Variants in ZMIZ2 observed in about 807,000 individuals in gnomAD.
The protein encoded by ZMIZ2 is zinc finger MIZ domain-containing protein 2.
In ZMIZ2, 26 loss-of-function variants were observed where a neutral mutation model predicts 93.9. That is an observed-to-expected ratio of 0.28 (90% confidence interval 0.20 to 0.38). ZMIZ2 has a LOEUF of 0.38. ZMIZ2 is among the 10% of genes least tolerant of loss of function. The pLI is 1.00. For missense variants in ZMIZ2, 1,023 were observed against 1,235.0 expected (o/e 0.83, Z 2.57); for synonymous variants, 485 against 516.4 (o/e 0.94, Z 0.82).
chr7:44,752,118 C>A (rs550590628), intron 1 of ZMIZ2, among the ~76,000 whole-genome samples: 1 of 151,936 alleles, frequency 6.6e-6, no homozygotes, highest in Non-Finnish European at 1.5e-5. Context: ...AAAGAGGTTA[C>A]AGCCTGTTGC....
Position 44,761,414 on chromosome 7 carries a change from C to A in ZMIZ2, c.1241-35C>A. On this transcript the variant is annotated intron_variant, in intron 9 of 18. Transcript: ENST00000309315. This position sits in a 1 kb window ranked among gnomAD's most constrained non-coding sequence, Gnocchi z 5.8. ...GTGACACAAGACGCTCTGGCTGGGG[C>A]AACCCAGCTCACAGCCAGTGGCCTC... The A allele has an allele frequency of 6.2e-7, 1 of 1,604,886 alleles. No homozygotes were observed. Among genetic ancestry groups the A allele is most frequent in the Non-Finnish European group, 8.5e-7 (1 of 1,177,802 alleles).
In ZMIZ2 at chr7:44,756,940, C is replaced by T. The variant is rs1250017906; in HGVS notation, c.166-7C>T. On this transcript the variant is annotated splice_polypyrimidine_tract_variant and splice_region_variant and intron_variant, in intron 3 of 18. Transcript: ENST00000309315. ...GGTTCCCTTTGGTGATTCCTGCTTC[C>T]TCATAGGTTTTGGGGAACCCCATGG... 1 of 1,609,012 alleles carries T rather than the reference C, an allele frequency of 6.2e-7. No homozygotes were observed. The highest frequency in any genetic ancestry group is 8.5e-7 in the Non-Finnish European group (1 of 1,178,666).
intron 7 of ZMIZ2, 89 bp from the exon 8 acceptor site, chr7:44,760,062 C>A: frequency 7.5e-7 from 1 of 1,325,256 alleles, no homozygotes; most frequent in Non-Finnish European, 1.1e-6. Context: ...TAAAGAAGAC[C>A]GTGTATGGTG....
chr7:44,756,401 C>T, intron 2 of ZMIZ2, 24 bp from the exon 3 acceptor site: 1 of 1,613,874 alleles, frequency 6.2e-7, no homozygotes, highest in Admixed American at 1.7e-5. Flanking sequence ...CTGACCCAGG[C>T]CTCAGCAGCC....
chr7:44,754,055 C>T (rs1790380823), intron 1 of ZMIZ2, among the ~76,000 whole-genome samples: 1 of 152,222 alleles, frequency 6.6e-6, no homozygotes, highest in Non-Finnish European at 1.5e-5. Context: ...GTTGGTACCA[C>T]ACAGTTTTGA....
Position 44,762,956 on chromosome 7 carries a change from C to G in ZMIZ2, c.1672C>G (p.Leu558Val). 1 of 1,613,614 alleles carries G rather than the reference C, an allele frequency of 6.2e-7. No individual in the cohort carries two copies. The highest frequency in any genetic ancestry group is 8.5e-7 in the Non-Finnish European group (1 of 1,179,698). The change falls in exon 12 of 19, where the codon CTC becomes GTC. Residue 558 changes from leucine to valine, a missense_variant. By Grantham distance (32) the Leu-to-Val change is conservative (BLOSUM62 1). Around this residue, in one of 3 missense-constraint regions of ZMIZ2, gnomAD observed 656 missense variants for 777.1 expected, o/e 0.84. Coordinates refer to ENST00000309315, the MANE Select transcript of ZMIZ2 (RefSeq NM_031449.4). Reference sequence around the variant, plus strand: ...GCTGCAGGGCCTCCTCAAAAAGCGCCTCCTGCCTGCTGAGCACTGCATCAC... The same window carrying G: ...GCTGCAGGGCCTCCTCAAAAAGCGCGTCCTGCCTGCTGAGCACTGCATCAC... ...SVLQGLLKKR[L>V]LPAEHCITKI...
At position 44,761,475 on chromosome 7, in the gene ZMIZ2, C is replaced by T. The variant is rs1791172623; in HGVS notation, c.1267C>T (p.Leu423=). The T allele has an allele frequency of 4.3e-6, 7 of 1,613,804 alleles. No homozygotes were observed. The highest frequency in any genetic ancestry group is 5.9e-6 in the Non-Finnish European group (7 of 1,180,030). The change falls in exon 10 of 19, where the codon CTG becomes TTG. Residue 423 remains leucine (L), a synonymous_variant. Coordinates refer to ENST00000309315, the MANE Select transcript of ZMIZ2 (RefSeq NM_031449.4). This position sits in a 1 kb window ranked among gnomAD's most constrained non-coding sequence, Gnocchi z 5.8. ...AAGCGGGCCTTGTGACGAGTTGCGG[C>T]TGACCTTCCCTGTGCGCGATGGGGT... ...SGSGPCDELR[L]TFPVRDGVVL...
intron 5 of ZMIZ2, 101 bp downstream of exon 5, chr7:44,757,662 G>A (rs1050334866): frequency 2.0e-6 from 3 of 1,467,132 alleles, no homozygotes; most frequent in Admixed American, 2.5e-5. Context: ...CATGGAATAT[G>A]CCAGGGCTCA....
In ZMIZ2 at chr7:44,767,523, C is replaced by G; in HGVS notation, c.2663C>G (p.Pro888Arg). 1.2e-6 allele frequency: 2 copies of G among 1,614,082 alleles called. No homozygotes were observed. The highest frequency in any genetic ancestry group is 1.7e-6 in the Non-Finnish European group (2 of 1,179,968). ...AGTTCACTTTGTCCTCAGCTGCTCCCGGAACTGACCAACCCTGATGAGCTA... is the reference window on the plus strand; with the variant it reads ...AGTTCACTTTGTCCTCAGCTGCTCCGGGAACTGACCAACCCTGATGAGCTA... ...EAPEPALDLL[P>R]ELTNPDELLS... Residue 888 changes from proline (P) to arginine (R), a missense_variant, in exon 19 of 19, where the codon CCG becomes CGG. This residue lies in a region of ZMIZ2 where 319 missense variants were observed against 358.8 expected (regional missense o/e 0.89). Coordinates refer to ENST00000309315, the MANE Select transcript of ZMIZ2 (RefSeq NM_031449.4).
rs542053284 is a variant in ZMIZ2, at chr7:44,757,768, T to C, written c.553-80T>C. On this transcript the variant is annotated intron_variant, in intron 5 of 18. Transcript: ENST00000309315. ...TGAAAGGGTATGGTGCCCACATGGG[T>C]GGGTGGGCGGGTTTTATGCCTATCT... is the stretch of plus-strand genomic sequence containing the variant. 1.1e-4 allele frequency: 73 copies of C among 686,918 alleles called. No homozygotes were observed. In the South Asian group the frequency reaches 2.2e-3, roughly 21 times the overall value. 42.6% of individuals were successfully genotyped at this position (686,918 alleles called of 1,614,324 possible). A position where few individuals can be genotyped will look rare whatever the true frequency, so the allele number is the denominator to read the frequency against.
Position 44,767,852 on chromosome 7 carries a change from C to A in ZMIZ2, c.*229C>A. 1 of 581,362 alleles carries A rather than the reference C, an allele frequency of 1.7e-6. No individual in the cohort carries two copies. The highest frequency in any genetic ancestry group is 2.9e-5 in the East Asian group (1 of 34,390). 36.0% of individuals were successfully genotyped at this position (581,362 alleles called of 1,614,324 possible). On this transcript the variant is annotated 3_prime_UTR_variant, in exon 19 of 19. Transcript: ENST00000309315. ...GCCCTTGCCACCTCCCTCTGCCAAG[C>A]CTGCTGCTGCAGAACGGTTTTTGCT...
Position 44,767,681 on chromosome 7 carries a change from C to G in ZMIZ2, c.*58C>G, listed in dbSNP as rs1791859567. The G allele has an allele frequency of 6.8e-7, 1 of 1,470,640 alleles. No homozygotes were observed. Among genetic ancestry groups the G allele is most frequent in the Non-Finnish European group, 9.5e-7 (1 of 1,052,782 alleles). 91.1% of individuals were successfully genotyped at this position (1,470,640 alleles called of 1,614,324 possible). On this transcript the variant is annotated 3_prime_UTR_variant, in exon 19 of 19. Transcript: ENST00000309315. The stretch of plus-strand genomic sequence containing the variant: ...GCTCACAGATGTCACCACAGCCCTG[C>G]CCTTCATGCCCAGCCCCATGGGACA...
rs202212310 is a variant in ZMIZ2, at chr7:44,751,713, T to G, written c.-63+2722T>G. Among the ~76,000 whole-genome samples the G allele has an allele frequency of 1.1e-4, 16 of 152,360 alleles. No individual in the cohort carries two copies. The East Asian group carries it at 2.7e-3, about 26-fold the overall frequency. ...GTGCTCACCTCTAATCCCAGCACTT[T>G]GGGAGGCCGAGGTGGGTGGATCACT... On this transcript the variant is annotated intron_variant, in intron 1 of 18. Coordinates refer to ENST00000309315, the MANE Select transcript of ZMIZ2 (RefSeq NM_031449.4).
rs181502182 is a variant in ZMIZ2 at position 44,752,601 on chromosome 7, G to A, written c.-62-3587G>A. On this transcript the variant is annotated intron_variant, in intron 1 of 18. Transcript: ENST00000309315. ...TGGTGTGTCAAGAATGCTAAATAAA[G>A]GAATCGTACACCGTGTAGCCTCTTG... Among the ~76,000 whole-genome samples the A allele has an allele frequency of 1.8e-4, 28 of 152,300 alleles. 1 individual carries two copies. Among genetic ancestry groups the A allele is most frequent in the South Asian group, 1.2e-3 (6 of 4,828 alleles).
chr7:44,766,814 G>A lies in ZMIZ2; in HGVS notation c.2655+151G>A. 2 of 1,303,802 alleles carry A rather than the reference G, an allele frequency of 1.5e-6. No homozygotes were observed. The highest frequency in any genetic ancestry group is 2.1e-6 in the Non-Finnish European group (2 of 966,482). The allele number at this position is 1,303,802 out of a possible 1,614,324, so 80.8% of individuals were successfully genotyped here. ...AAATGCAGCTTTTGTTCATGAATTA[G>A]ATACCTGGAGTAGCTGCGGGTGGGA... On this transcript the variant is annotated intron_variant, in intron 18 of 18. Coordinates refer to ENST00000309315, the MANE Select transcript of ZMIZ2 (RefSeq NM_031449.4). This position sits in a 1 kb window ranked among gnomAD's most constrained non-coding sequence, Gnocchi z 4.4.
chr7:44,758,222 G>C (rs1790789585), intron 6 of ZMIZ2, 114 bp downstream of exon 6: 1 of 1,352,962 alleles, frequency 7.4e-7, no homozygotes, highest in Admixed American at 2.8e-5. Flanking sequence ...GCTCACGCCT[G>C]TAGTCCCTGC....
intron 1 of ZMIZ2, among the ~76,000 whole-genome samples, chr7:44,754,286 G>T (rs1190477635): frequency 6.6e-6 from 1 of 152,170 alleles, no homozygotes; most frequent in Non-Finnish European, 1.5e-5. Flanking sequence ...GGTGCCTGGA[G>T]CCTTCTGGAG....
In ZMIZ2 at chr7:44,763,532, C is replaced by T; in HGVS notation, c.1860+119C>T. The T allele has an allele frequency of 1.4e-6, 2 of 1,399,296 alleles. No homozygotes were observed. Among genetic ancestry groups the T allele is most frequent in the Non-Finnish European group, 1.9e-6 (2 of 1,037,118 alleles). 86.7% of individuals were successfully genotyped at this position (1,399,296 alleles called of 1,614,324 possible). A position where few individuals can be genotyped will look rare whatever the true frequency, so the allele number is the denominator to read the frequency against. The stretch of plus-strand genomic sequence containing the variant: ...CCGAGTGCCTTGGCTGTCAGGCTGA[C>T]AGGACAGGCCTCCCACGCCAAGGAG... On this transcript the variant is annotated intron_variant, in intron 13 of 18. Coordinates refer to ENST00000309315, the MANE Select transcript of ZMIZ2 (RefSeq NM_031449.4). The surrounding 1 kb of genome is among the most constrained non-coding windows in gnomAD (Gnocchi z 5.6).
chr7:44,760,019 A>T, intron 7 of ZMIZ2, 132 bp from the exon 8 acceptor site: 1 of 902,552 alleles, frequency 1.1e-6, no homozygotes, highest in Non-Finnish European at 1.7e-6. Flanking sequence ...AAGTAGTGTT[A>T]CTTGTAGATT....
Sources: allele counts gnomAD v4.1 joint callset (sites outside exome capture counted in the v4.1 genomes callset), GRCh38; gene constraint gnomAD v4.1.1; regional missense constraint gnomAD v4.1.1; non-coding constraint Gnocchi (gnomAD v3.1); transcripts MANE v1.5; gene names NCBI Gene and HGNC (gene_info 2026-07-23, HGNC 2026-07-21).